The following WDR27 variants were observed in gnomAD, a reference collection of about 807,000 sequenced individuals.
The protein encoded by WDR27 is WD repeat domain 27.
WDR27 carries 100 observed loss-of-function variants against 114.4 expected under a neutral mutation model. That is an observed-to-expected ratio of 0.87 (90% CI 0.74 to 1.03). The LOEUF (loss-of-function observed/expected upper bound fraction) is 1.03, where lower values mean the gene tolerates loss of function less well. Among genes scored for constraint, WDR27 ranks in the 50% least tolerant of loss-of-function variants. WDR27 has a pLI of 0.00. For synonymous variants in WDR27, 449 were observed against 423.1 expected, an observed-to-expected ratio of 1.06 and a Z score of -0.75; for missense variants, 1,129 against 1,092.9, an observed-to-expected ratio of 1.03 and a Z score of -0.47.
intron 25 of WDR27, among the ~76,000 whole-genome samples, chr6:169,510,787 T>A (rs1792731963): frequency 6.6e-6 from 1 of 151,536 alleles, no homozygotes; most frequent in Admixed American, 6.6e-5. Flanking sequence ...ATAATAATAA[T>A]AAAAAAAGAC....
At chr6:169,443,808 A>G in the WDR27 span, among the ~76,000 whole-genome samples, 1 of 152,006 alleles carries the variant, frequency 6.6e-6, no homozygotes, top group African/African-American at 2.4e-5. Context: ...AGAAGACTTC[A>G]TGTATACTAA....
intron 21 of WDR27, among the ~76,000 whole-genome samples, chr6:169,629,529 A>T (rs186924294): frequency 3.1e-4 from 47 of 152,372 alleles, no homozygotes; most frequent in Middle Eastern, 6.8e-3. Context: ...AGTCATGCAC[A>T]ACCAATACAA....
chr6:169,597,650 T>A (rs1156559610), intron 23 of WDR27, among the ~76,000 whole-genome samples: 1 of 152,102 alleles, frequency 6.6e-6, no homozygotes, highest in East Asian at 1.9e-4. Context: ...TGAAATATTG[T>A]TAAAAACCCT....
intron 23 of WDR27, among the ~76,000 whole-genome samples, chr6:169,600,961 G>A (rs1807863387): frequency 6.6e-6 from 1 of 152,106 alleles, no homozygotes; most frequent in Non-Finnish European, 1.5e-5. Context: ...GAAATACAGA[G>A]AACGCCAAAA....
At chr6:169,525,364 G>A (rs1330746788) in intron 25 of WDR27, among the ~76,000 whole-genome samples, 6 of 151,614 alleles carry the variant, frequency 4.0e-5, no homozygotes, top group Admixed American at 2.0e-4. Flanking sequence ...GTGAAACCCC[G>A]TCTCTACTAA....
At chr6:169,688,066 C>T (rs574930428) in intron 2 of WDR27, among the ~76,000 whole-genome samples, 10 of 152,060 alleles carry the variant, frequency 6.6e-5, no homozygotes, top group East Asian at 1.9e-4. Context: ...ATTTATCATT[C>T]TATAATAAAA....
chr6:169,583,491 AT>A (rs1803913360), intron 23 of WDR27, among the ~76,000 whole-genome samples: 1 of 6,494 alleles, frequency 1.5e-4, no homozygotes, highest in South Asian at 5.3e-3. Flanking sequence ...ATATATACAT[AT>A]ATATATATAT....
chr6:169,494,429 T>C (rs1016409961), intron 25 of WDR27, among the ~76,000 whole-genome samples: 13 of 152,136 alleles, frequency 8.5e-5, no homozygotes, highest in Admixed American at 2.6e-4. Context: ...CACACCACTA[T>C]AAGACTGGCA....
Position 169,593,707 on chromosome 6 carries a change from G to A in WDR27, c.2424+8512C>T, listed in dbSNP as rs1008946690. Among the ~76,000 whole-genome samples the A allele has an allele frequency of 5.3e-5, 8 of 152,152 alleles. No homozygotes were observed. In the South Asian group the frequency reaches 1.7e-3, roughly 32 times the overall value. On this transcript the variant is annotated intron_variant, in intron 23 of 25. Coordinates refer to ENST00000448612, the MANE Select transcript of WDR27 (RefSeq NM_182552.5). ...TACCAAAAATACAAAAACATAGCTG[G>A]GCGTGGTGGCGGGCGCCTGTAATCC...
intron 19 of WDR27, among the ~76,000 whole-genome samples, chr6:169,635,266 T>A (rs1584767565): frequency 6.6e-6 from 1 of 152,130 alleles, no homozygotes. Context: ...GCGCCTGTAA[T>A]CCCAGCCACT....
chr6:169,501,677 T>C (rs1295252527), intron 25 of WDR27, among the ~76,000 whole-genome samples: 1 of 150,400 alleles, frequency 6.6e-6, no homozygotes, highest in Non-Finnish European at 1.5e-5. Flanking sequence ...CTGTTGTGAC[T>C]GGGGTCTTGG....
chr6:169,597,878 A>T (rs74594086), intron 23 of WDR27, among the ~76,000 whole-genome samples: 2 of 2,614 alleles, frequency 7.7e-4, no homozygotes, highest in East Asian at 0.023. Context: ...TACCATTCAT[A>T]CACACACACA....
intron 25 of WDR27, among the ~76,000 whole-genome samples, chr6:169,562,954 C>T (rs1035889139): frequency 2.0e-5 from 3 of 152,086 alleles, no homozygotes; most frequent in African/African-American, 2.4e-5. Flanking sequence ...GCTCAGAGTC[C>T]GGACTGTGAG....
chr6:169,537,694 G>A (rs1796352160), intron 25 of WDR27, among the ~76,000 whole-genome samples: 1 of 152,144 alleles, frequency 6.6e-6, no homozygotes, highest in African/African-American at 2.4e-5. Context: ...GGTAGTGCCA[G>A]AAGAATCACT....
intron 19 of WDR27, 137 bp from the exon 20 acceptor site, chr6:169,634,662 A>G (rs1030797029): frequency 1.4e-5 from 8 of 561,834 alleles, no homozygotes; most frequent in African/African-American, 3.9e-5. Flanking sequence ...TACTGAGGGG[A>G]AAAGTGAATT....
chr6:169,647,032 C>T (rs1379084437), intron 16 of WDR27, among the ~76,000 whole-genome samples: 3 of 152,160 alleles, frequency 2.0e-5, no homozygotes, highest in Non-Finnish European at 4.4e-5. Flanking sequence ...CCAGATAGGA[C>T]TTTGTGTCCA....
In WDR27 at chr6:169,586,931, G is replaced by T. The variant is rs139849660; in HGVS notation, c.2425-3997C>A. 5.1e-4 allele frequency among the ~76,000 whole-genome samples: 73 copies of T among 143,264 alleles called. No individual in the cohort carries two copies. In the East Asian group the frequency reaches 0.015, roughly 29 times the overall value. 94.0% of individuals were successfully genotyped at this position (143,264 alleles called of 152,430 possible). A position where few individuals can be genotyped will look rare whatever the true frequency, so the allele number is the denominator to read the frequency against. ...ATCAATGGAACCAATCCAGGAAAAC[G>T]TTCTCACTGTCCTGCTTTCTTGGTG... On this transcript the variant is annotated intron_variant, in intron 23 of 25. Transcript: ENST00000448612.
At chr6:169,658,456 G>T in intron 12 of WDR27, 98 bp from the exon 13 acceptor site, 1 of 867,330 alleles carries the variant, frequency 1.2e-6, no homozygotes, top group Non-Finnish European at 1.9e-6. Flanking sequence ...CCAAATGACT[G>T]ATTCCTGCAG....
At chr6:169,656,174 CAA>C (rs1824136042) in intron 13 of WDR27, among the ~76,000 whole-genome samples, 1 of 149,168 alleles carries the variant, frequency 6.7e-6, no homozygotes, top group South Asian at 2.1e-4. Flanking sequence ...TGTGACTATG[CAA>C]AAAAGGTTAA....
Sources: gnomAD v4.1 joint callset for allele counts (sites outside exome capture counted in the v4.1 genomes callset) on GRCh38, gnomAD v4.1.1 for gene constraint, MANE v1.5 for transcripts, NCBI Gene and HGNC (gene_info 2026-07-23, HGNC 2026-07-21) for gene names.